Variants in ARHGAP19 observed in about 807,000 individuals in gnomAD.
The protein encoded by ARHGAP19 is Rho GTPase activating protein 19, also known as rho GTPase-activating protein 19.
Under a neutral mutation model 60.9 loss-of-function variants are expected in ARHGAP19, and 48 were observed. The ratio of observed to expected loss-of-function variants is 0.79; its 90% confidence interval spans 0.62 to 1.00. The LOEUF is 1.00. Ranked by LOEUF, ARHGAP19 falls within the 50% of genes least tolerant of loss-of-function variation. ARHGAP19 has a pLI of 0.00. For missense variants in ARHGAP19, 562 were observed against 597.2 expected (o/e 0.94, Z 0.61); for synonymous variants, 209 against 215.5 (o/e 0.97, Z 0.27).
intron 1 of ARHGAP19, among the ~76,000 whole-genome samples, chr10:97,291,461 T>A (rs1469017991): frequency 6.6e-6 from 1 of 152,072 alleles, no homozygotes; most frequent in Non-Finnish European, 1.5e-5. Context: ...ACCCGGCTAA[T>A]TATTGTATTT....
chr10:97,280,083 T>C (rs1843064195), intron 1 of ARHGAP19, among the ~76,000 whole-genome samples: 1 of 152,144 alleles, frequency 6.6e-6, no homozygotes, highest in African/African-American at 2.4e-5. Flanking sequence ...CATGCTAGTG[T>C]ACAATGGGAA....
In ARHGAP19 at chr10:97,229,205, A is replaced by G. The variant is rs981551325; in HGVS notation, c.1416T>C (p.Ala472=). Residue 472 remains alanine, a synonymous_variant, in exon 11 of 12, where the codon GCT becomes GCC. Transcript: ENST00000358531. ...TCAATCTTGTTGGTGTCATCGTGAC[A>G]GCTGGAGAGCCAGAAAATAACTGTA... The part of the protein sequence containing the change: ...NRNLLFSGSP[A]VTMTPTRLKW... 6.2e-7 allele frequency: 1 copy of G among 1,614,030 alleles called. No individual in the cohort carries two copies. Among genetic ancestry groups the G allele is most frequent in the Non-Finnish European group, 8.5e-7 (1 of 1,179,986 alleles).
intron 2 of ARHGAP19, chr10:97,265,490 C>T (rs1842886524): frequency 9.7e-6 from 2 of 205,920 alleles, no homozygotes; most frequent in African/African-American, 2.4e-5. Context: ...CAAAGTGGGA[C>T]CCCATCCCTT....
chr10:97,242,483 G>A (rs564990804), intron 8 of ARHGAP19, among the ~76,000 whole-genome samples: 1 of 151,570 alleles, frequency 6.6e-6, no homozygotes, highest in East Asian at 1.9e-4. Context: ...ATAGGCATGT[G>A]CCACCACACC....
intron 8 of ARHGAP19, among the ~76,000 whole-genome samples, chr10:97,237,150 G>A (rs1402883026): frequency 4.7e-5 from 7 of 150,354 alleles, no homozygotes; most frequent in South Asian, 2.1e-4. Flanking sequence ...CTGTAGTCCC[G>A]GCTACTCAGG....
chr10:97,269,412 T>C (rs1405749491), intron 1 of ARHGAP19, among the ~76,000 whole-genome samples: 1 of 152,114 alleles, frequency 6.6e-6, no homozygotes, highest in East Asian at 1.9e-4. Context: ...AGCCAAAAAG[T>C]AACTAAAAAA....
chr10:97,277,018 GC>G (rs1207325733), intron 1 of ARHGAP19, among the ~76,000 whole-genome samples: 1 of 462 alleles, frequency 2.2e-3, no homozygotes, highest in African/African-American at 2.3e-3. Context: ...GGGGGGGTCA[GC>G]CCCCCCCGCC....
In ARHGAP19 at chr10:97,242,806, G is replaced by A. The variant is rs1291614380; in HGVS notation, c.1185+1162C>T. ...TGGGATTACAGGCGTGAGCCACCAT[G>A]CCCGGCCCTAATTTTGTATTTTTAG... On this transcript the variant is annotated intron_variant, in intron 8 of 11. Transcript: ENST00000358531. Among the ~76,000 whole-genome samples the A allele has an allele frequency of 2.0e-5, 3 of 152,034 alleles. No individual in the cohort carries two copies. The East Asian group carries it at 5.8e-4, about 30-fold the overall frequency.
Position 97,224,623 on chromosome 10 carries a change from C to G in ARHGAP19, c.*1499G>C, listed in dbSNP as rs1205434948. On this transcript the variant is annotated 3_prime_UTR_variant, in exon 12 of 12. Transcript: ENST00000358531. Reference sequence around the variant, plus strand: ...GTCATCTTTCATTTCAGCAATGGTGCAGCATATTCAACAGTTTAGAAATAG... The same window carrying G: ...GTCATCTTTCATTTCAGCAATGGTGGAGCATATTCAACAGTTTAGAAATAG... The G allele has an allele frequency of 1.3e-5, 2 of 152,240 alleles. No individual in the cohort carries two copies. Among genetic ancestry groups the G allele is most frequent in the African/African-American group, 4.8e-5 (2 of 41,454 alleles). The allele number at this position is 152,240 out of a possible 1,614,324, so 9.4% of individuals were successfully genotyped here.
At chr10:97,236,528 T>C (rs1255069037) in intron 8 of ARHGAP19, among the ~76,000 whole-genome samples, 1 of 151,894 alleles carries the variant, frequency 6.6e-6, no homozygotes, top group Admixed American at 6.6e-5. Context: ...TACAATAAGG[T>C]AAATTCTCTC....
intron 8 of ARHGAP19, 63 bp downstream of exon 8, chr10:97,243,905 A>T: frequency 1.4e-6 from 2 of 1,419,638 alleles, no homozygotes; most frequent in Non-Finnish European, 1.9e-6. Context: ...AATATGACCT[A>T]CTGATTCTAC....
intron 1 of ARHGAP19, among the ~76,000 whole-genome samples, chr10:97,270,894 A>G (rs1203356400): frequency 2.0e-5 from 3 of 152,248 alleles, no homozygotes; most frequent in Non-Finnish European, 4.4e-5. Flanking sequence ...TCCCATCACC[A>G]CTTAAGCTAT....
At chr10:97,248,275 G>A (rs933266509) in intron 6 of ARHGAP19, among the ~76,000 whole-genome samples, 5 of 152,112 alleles carry the variant, frequency 3.3e-5, no homozygotes, top group Non-Finnish European at 7.4e-5. Context: ...TTAGCCGGGT[G>A]TGGTGGCGCT....
At chr10:97,283,774 T>C (rs1174934489) in intron 1 of ARHGAP19, among the ~76,000 whole-genome samples, 1 of 141,354 alleles carries the variant, frequency 7.1e-6, no homozygotes, top group African/African-American at 2.7e-5. Flanking sequence ...GTGGGAGGAG[T>C]ACATGAGCCC....
chr10:97,227,401 C>T (rs1664777830), intron 11 of ARHGAP19, among the ~76,000 whole-genome samples: 1 of 151,780 alleles, frequency 6.6e-6, no homozygotes, highest in South Asian at 2.1e-4. Context: ...TGGAAGGAGA[C>T]CAAGCTGCAA....
intron 6 of ARHGAP19, among the ~76,000 whole-genome samples, chr10:97,253,665 A>G (rs1842719327): frequency 6.6e-6 from 1 of 152,344 alleles, no homozygotes; most frequent in South Asian, 2.1e-4. Flanking sequence ...ACACATAGAA[A>G]TGACAACTAT....
At position 97,263,686 on chromosome 10, in the gene ARHGAP19, T is replaced by C; in HGVS notation, c.404-57A>G. The C allele has an allele frequency of 5.3e-6, 8 of 1,519,748 alleles. No individual in the cohort carries two copies. In the South Asian group the frequency reaches 9.0e-5, roughly 17 times the overall value. 94.1% of individuals were successfully genotyped at this position (1,519,748 alleles called of 1,614,324 possible). ...CAAAAAGGAAGCAGAAAGATTATTA[T>C]TAAAATAAATGGTCTAAAGACTACT... On this transcript the variant is annotated intron_variant, in intron 3 of 11. Transcript: ENST00000358531.
At chr10:97,241,589 T>C (rs746659850) in intron 8 of ARHGAP19, among the ~76,000 whole-genome samples, 10 of 151,752 alleles carry the variant, frequency 6.6e-5, no homozygotes, top group Middle Eastern at 3.4e-3. Flanking sequence ...GACACATGCA[T>C]GTAGTCCTAG....
At chr10:97,237,742 G>T (rs1415752743) in intron 8 of ARHGAP19, among the ~76,000 whole-genome samples, 1 of 151,684 alleles carries the variant, frequency 6.6e-6, no homozygotes, top group Non-Finnish European at 1.5e-5. Flanking sequence ...GTGGTGGTGG[G>T]CGCCTGTAAT....
Sources: allele counts gnomAD v4.1 joint callset (sites outside exome capture counted in the v4.1 genomes callset), GRCh38; gene constraint gnomAD v4.1.1; transcripts MANE v1.5; gene names NCBI Gene and HGNC (gene_info 2026-07-23, HGNC 2026-07-21).